Variants in STAC2 observed in about 807,000 individuals in gnomAD.
STAC2 encodes SH3 and cysteine rich domain 2.
A neutral mutation model predicts 49.0 loss-of-function variants in STAC2; 36 were observed. The ratio of observed to expected loss-of-function variants is 0.74; its 90% CI spans 0.56 to 0.97. The LOEUF is 0.97. Ranked by LOEUF, STAC2 falls within the 50% of genes least tolerant of loss-of-function variation. The pLI is 0.00. For synonymous variants in STAC2, 239 were observed against 214.7 expected, an observed-to-expected ratio of 1.11 and a Z score of -0.99; for missense variants, 527 against 543.8, an observed-to-expected ratio of 0.97 and a Z score of 0.31.
chr17:39,212,946 C>A, intron 10 of STAC2, 49 bp downstream of exon 10: 1 of 1,603,352 alleles, frequency 6.2e-7, no homozygotes, highest in Non-Finnish European at 8.5e-7. Flanking sequence ...TCTCCCCCGC[C>A]CACTCCCTCC....
chr17:39,223,717 G>A (rs975159779), intron 1 of STAC2, among the ~76,000 whole-genome samples: 2 of 152,166 alleles, frequency 1.3e-5, no homozygotes, highest in Admixed American at 6.5e-5. Context: ...TGGGAAACAG[G>A]GCAGGGCCTG....
In STAC2 at chr17:39,215,005, T is replaced by C. The variant is rs1567828958; in HGVS notation, c.718A>G (p.Thr240Ala). ...CGGATGCTGCCTTCCCCATCCTCGG[T>C]CAGCTCATCCCGCTCACTCTAGGGA... ...TRSLSERDEL[T>A]EDGEGSIRSS... Residue 240 changes from threonine (T) to alanine (A), a missense_variant, in exon 6 of 11, where the codon ACC (threonine) becomes GCC (alanine). By Grantham distance (58) the Thr-to-Ala change is moderately conservative (BLOSUM62 0). Transcript: ENST00000333461. 12 of 1,613,854 alleles carry C rather than the reference T, an allele frequency of 7.4e-6. No homozygotes were observed. The highest frequency in any genetic ancestry group is 1.0e-5 in the Non-Finnish European group (12 of 1,179,992).
chr17:39,223,537 G>A (rs1021493836), intron 1 of STAC2, among the ~76,000 whole-genome samples: 1 of 152,190 alleles, frequency 6.6e-6, no homozygotes, highest in Non-Finnish European at 1.5e-5. Context: ...AACATTGGAG[G>A]GTCCCTGGCC....
At chr17:39,219,793 G>A (rs755554488) in intron 1 of STAC2, among the ~76,000 whole-genome samples, 2 of 152,302 alleles carry the variant, frequency 1.3e-5, no homozygotes, top group East Asian at 3.9e-4. Context: ...CTCCCTTCCC[G>A]TTGAGAGGCG....
chr17:39,219,383 C>T (rs2046440242), intron 1 of STAC2, among the ~76,000 whole-genome samples: 1 of 152,122 alleles, frequency 6.6e-6, no homozygotes, highest in Non-Finnish European at 1.5e-5. Flanking sequence ...TTCCACTGGT[C>T]CTTCCTCCTC....
intron 1 of STAC2, among the ~76,000 whole-genome samples, chr17:39,220,448 G>A (rs989921865): frequency 4.0e-5 from 6 of 151,650 alleles, no homozygotes; most frequent in African/African-American, 1.5e-4. Flanking sequence ...CTGAGCCTCA[G>A]TTTCCCCACA....
chr17:39,216,913 A>T lies in STAC2; in HGVS notation c.496-13T>A, dbSNP rs1002900643. 3 of 1,593,258 alleles carry T rather than the reference A, an allele frequency of 1.9e-6. No homozygotes were observed. The highest frequency in any genetic ancestry group is 2.6e-6 in the Non-Finnish European group (3 of 1,169,744). ...GGAAGGAGGTGGACTATGGCAAGAG[A>T]GGGCAGAGAGGTTTTGAGGAGGTCA... On this transcript the variant is annotated splice_polypyrimidine_tract_variant and intron_variant, in intron 3 of 10. Coordinates refer to ENST00000333461, the MANE Select transcript of STAC2 (RefSeq NM_198993.5).
Position 39,216,797 on chromosome 17 carries a change from G to T in STAC2, c.586+13C>A, listed in dbSNP as rs115983808. 4.9e-5 allele frequency: 77 copies of T among 1,576,554 alleles called. No individual in the cohort carries two copies. The highest frequency in any genetic ancestry group is 3.9e-4 in the East Asian group (17 of 43,198). Reference sequence around the variant, plus strand: ...CAATGGGAGCAGGGACTGCGGCCAGGGGGGGCACTCACCAGTGGGTGGGGA... The same window carrying T: ...CAATGGGAGCAGGGACTGCGGCCAGTGGGGGCACTCACCAGTGGGTGGGGA... On this transcript the variant is annotated intron_variant, in intron 4 of 10. Transcript: ENST00000333461.
At chr17:39,222,800 T>C (rs2046474902) in intron 1 of STAC2, among the ~76,000 whole-genome samples, 1 of 152,184 alleles carries the variant, frequency 6.6e-6, no homozygotes, top group African/African-American at 2.4e-5. Context: ...GGGCCTGGCC[T>C]GCCTGTTTCC....
rs374160052 is a variant in STAC2, at chr17:39,214,976, G to A, written c.747C>T (p.Ser249=). The change falls in exon 6 of 11, where the codon AGC becomes AGT. Residue 249 remains serine (S), a synonymous_variant. Coordinates refer to ENST00000333461, the MANE Select transcript of STAC2 (RefSeq NM_198993.5). The part of the protein sequence containing the change: ...LTEDGEGSIR[S]SEEGPGDSAS... Reference sequence around the variant, plus strand: ...CACTGTCACCAGGCCCCTCCTCAGAGCTGCGGATGCTGCCTTCCCCATCCT... The same window carrying A: ...CACTGTCACCAGGCCCCTCCTCAGAACTGCGGATGCTGCCTTCCCCATCCT... 6.4e-5 allele frequency: 103 copies of A among 1,613,960 alleles called. 1 individual carries two copies. The highest frequency in any genetic ancestry group is 8.3e-5 in the Non-Finnish European group (98 of 1,180,016).
intron 2 of STAC2, among the ~76,000 whole-genome samples, chr17:39,217,389 C>T (rs778064800): frequency 3.3e-5 from 5 of 152,018 alleles, no homozygotes; most frequent in Non-Finnish European, 5.9e-5. Context: ...ACTGAGTATA[C>T]CCCCACCCTT....
Position 39,225,741 on chromosome 17 carries a change from C to G in STAC2, c.-239G>C. On this transcript the variant is annotated 5_prime_UTR_variant, in exon 1 of 11. Transcript: ENST00000333461. The surrounding 1 kb of genome is among the most constrained non-coding windows in gnomAD (Gnocchi z 8.2). Reference sequence around the variant, plus strand: ...GCGGGACGACCCCGGGCGCGAGGACCGAGGGTCTGCAGAGGATGCTGCTCG... The same window carrying G: ...GCGGGACGACCCCGGGCGCGAGGACGGAGGGTCTGCAGAGGATGCTGCTCG... The G allele has an allele frequency of 1.8e-6, 1 of 560,828 alleles. No individual in the cohort carries two copies. Among genetic ancestry groups the G allele is most frequent in the Non-Finnish European group, 3.2e-6 (1 of 316,354 alleles). The allele number at this position is 560,828 out of a possible 1,614,324, so 34.7% of individuals were successfully genotyped here. A position where few individuals can be genotyped will look rare whatever the true frequency, so the allele number is the denominator to read the frequency against.
chr17:39,217,256 C>T, intron 2 of STAC2, 83 bp from the exon 3 acceptor site: 2 of 1,397,142 alleles, frequency 1.4e-6, no homozygotes, highest in Non-Finnish European at 1.0e-6. Flanking sequence ...ATGAGGAGAG[C>T]AGGGGTTGGG....
At chr17:39,216,994 G>A in intron 3 of STAC2, 82 bp downstream of exon 3, 1 of 1,593,492 alleles carries the variant, frequency 6.3e-7, no homozygotes, top group African/African-American at 1.3e-5. Context: ...ACAGGAAGGA[G>A]CAGCCCTGAG....
rs911330459 is a variant in STAC2, at chr17:39,225,217, G to A, written c.90+196C>T. ...GTCGCGATGGCGCGCGCGGGCGTGC[G>A]GTGCCGGTGTGATCGGGGGCTCCTT... is the stretch of plus-strand genomic sequence containing the variant. On this transcript the variant is annotated intron_variant, in intron 1 of 10. Coordinates refer to ENST00000333461, the MANE Select transcript of STAC2 (RefSeq NM_198993.5). This position sits in a 1 kb window ranked among gnomAD's most constrained non-coding sequence, Gnocchi z 8.2. Among the ~76,000 whole-genome samples the A allele has an allele frequency of 6.6e-6, 1 of 152,156 alleles. No individual in the cohort carries two copies. The highest frequency in any genetic ancestry group is 1.5e-5 in the Non-Finnish European group (1 of 67,998).
At chr17:39,223,739 A>G (rs918732534) in intron 1 of STAC2, among the ~76,000 whole-genome samples, 2 of 152,168 alleles carry the variant, frequency 1.3e-5, no homozygotes, top group Non-Finnish European at 2.9e-5. Context: ...GAGGCCCCCA[A>G]GCCCCTGGAG....
chr17:39,217,305 C>A, intron 2 of STAC2, 132 bp from the exon 3 acceptor site: 1 of 804,340 alleles, frequency 1.2e-6, no homozygotes, highest in Non-Finnish European at 2.0e-6. Context: ...ACCTACCCCT[C>A]ACACAGTCAG....
At position 39,212,182 on chromosome 17, in the gene STAC2, G is replaced by C; in HGVS notation, c.*110C>G. The C allele has an allele frequency of 1.4e-6, 1 of 732,170 alleles. No individual in the cohort carries two copies. The highest frequency in any genetic ancestry group is 2.3e-6 in the Non-Finnish European group (1 of 438,968). 45.4% of individuals were successfully genotyped at this position (732,170 alleles called of 1,614,324 possible). A position where few individuals can be genotyped will look rare whatever the true frequency, so the allele number is the denominator to read the frequency against. ...CCACGGTAAGTGGCACCTAGGAGAGGGACAGAGGGAGGAAGGGTATGGAGT... is the reference window on the plus strand; with the variant it reads ...CCACGGTAAGTGGCACCTAGGAGAGCGACAGAGGGAGGAAGGGTATGGAGT... On this transcript the variant is annotated 3_prime_UTR_variant, in exon 11 of 11. Transcript: ENST00000333461.
rs374888495 is a variant in STAC2, at chr17:39,217,906, G to T, written c.358C>A (p.Arg120=). ...TGGCACAGCTCACAAGGGCTAGCTC[G>T]CTTGAAGACATGTTCCTGGAAGCTG... ...LHSFQEHVFK[R]ASPCELCHQL... is the part of the protein sequence containing the mutation. The change falls in exon 2 of 11, where the codon CGA becomes AGA. Residue 120 remains arginine (R), a synonymous_variant. Coordinates refer to ENST00000333461, the MANE Select transcript of STAC2 (RefSeq NM_198993.5). The T allele has an allele frequency of 2.5e-6, 4 of 1,607,028 alleles. No homozygotes were observed. The highest frequency in any genetic ancestry group is 2.5e-6 in the Non-Finnish European group (3 of 1,177,446).
Sources: gnomAD v4.1 joint callset for allele counts (sites outside exome capture counted in the v4.1 genomes callset) on GRCh38, gnomAD v4.1.1 for gene constraint, Gnocchi (gnomAD v3.1) non-coding constraint, MANE v1.5 for transcripts, NCBI Gene and HGNC (gene_info 2026-07-23, HGNC 2026-07-21) for gene names.